SFI1: variants seen among roughly 807,000 people sequenced by gnomAD.
The protein encoded by SFI1 is protein SFI1 homolog.
SFI1 carries 195 observed loss-of-function variants against 207.5 expected under a neutral mutation model. The observed-to-expected ratio is 0.94, with a 90% CI of 0.84 to 1.06. The LOEUF is 1.06. Among genes scored for constraint, SFI1 ranks in the 50% least tolerant of loss-of-function variants. The probability of loss-of-function intolerance (pLI) is 0.00; values close to 1 mark genes in which losing one functional copy is unlikely to be tolerated. For missense variants in SFI1, 1,634 were observed against 1,588.0 expected, an observed-to-expected ratio of 1.03 and a Z score of -0.49; for synonymous variants, 630 against 598.9, an observed-to-expected ratio of 1.05 and a Z score of -0.76.
intron 23 of SFI1, 138 bp from the exon 24 acceptor site, chr22:31,611,628 G>A: frequency 2.3e-6 from 2 of 875,644 alleles, no homozygotes; most frequent in Admixed American, 2.7e-5. Context: ...TGCCTATGCA[G>A]GAGACCCCTG....
rs1269284613 is a variant in SFI1 at position 31,611,801 on chromosome 22, G to A, written c.2451G>A (p.Gln817=). 2 of 1,613,928 alleles carry A rather than the reference G, an allele frequency of 1.2e-6. No homozygotes were observed. Among genetic ancestry groups the A allele is most frequent in the Non-Finnish European group, 1.7e-6 (2 of 1,179,982 alleles). Residue 817 remains glutamine, a synonymous_variant, in exon 24 of 33, where the codon CAG becomes CAA. Transcript: ENST00000400288. ...GGCAGAGCACCCAACTGCTGGCACAGAGACTCAGCCGGACCTGCTTCCGCC... is the reference window on the plus strand; with the variant it reads ...GGCAGAGCACCCAACTGCTGGCACAAAGACTCAGCCGGACCTGCTTCCGCC... ...LHRQSTQLLA[Q]RLSRTCFRQW...
At chr22:31,617,991 C>A in intron 31 of SFI1, 124 bp from the exon 32 acceptor site, 3 of 1,087,458 alleles carry the variant, frequency 2.8e-6, no homozygotes, top group Non-Finnish European at 3.9e-6. Context: ...GGTCAGGGGC[C>A]CTACCAGACC....
chr22:31,531,414 C>T (rs2058509592), intron 4 of SFI1, among the ~76,000 whole-genome samples: 1 of 152,064 alleles, frequency 6.6e-6, no homozygotes, highest in African/African-American at 2.4e-5. Context: ...GCTACTGTGG[C>T]CTTCAGCTTC....
chr22:31,525,237 A>G (rs1468850182), intron 2 of SFI1, among the ~76,000 whole-genome samples: 1 of 151,824 alleles, frequency 6.6e-6, no homozygotes, highest in Non-Finnish European at 1.5e-5. Context: ...CTTTTCCTAG[A>G]CGTTTGAAGT....
intron 4 of SFI1, among the ~76,000 whole-genome samples, chr22:31,541,477 C>T (rs2059482229): frequency 1.3e-5 from 2 of 152,070 alleles, no homozygotes; most frequent in South Asian, 2.1e-4. Context: ...GAATTGTAGG[C>T]CAGGCGTGGT....
At chr22:31,545,081 G>A (rs78926500) in intron 4 of SFI1, among the ~76,000 whole-genome samples, 12 of 152,018 alleles carry the variant, frequency 7.9e-5, no homozygotes, top group African/African-American at 2.2e-4. Flanking sequence ...AAAAATTTAG[G>A]GGGGGCTGGA....
chr22:31,513,531 C>T (rs570502599), intron 2 of SFI1, among the ~76,000 whole-genome samples: 8 of 147,830 alleles, frequency 5.4e-5, no homozygotes, highest in African/African-American at 1.3e-4. Context: ...CGTGGTGACT[C>T]GTGCTGGCAA....
intron 7 of SFI1, 141 bp from the exon 8 acceptor site, chr22:31,561,149 T>G (rs923391804): frequency 1.2e-5 from 8 of 663,158 alleles, no homozygotes; most frequent in Admixed American, 6.2e-5. Flanking sequence ...TGTTTTATTT[T>G]TTTCCCCAGC....
chr22:31,617,546 C>A (rs1291918823), intron 31 of SFI1, among the ~76,000 whole-genome samples: 1 of 151,998 alleles, frequency 6.6e-6, no homozygotes, highest in Non-Finnish European at 1.5e-5. Context: ...TATGGTGAAA[C>A]CCCATCTCTA....
chr22:31,557,386 A>G (rs938990172), intron 7 of SFI1, among the ~76,000 whole-genome samples: 6 of 148,158 alleles, frequency 4.0e-5, no homozygotes, highest in Admixed American at 6.8e-5. Flanking sequence ...GCGAGGTTTT[A>G]TCATGTTTCC....
At chr22:31,517,701 T>C (rs2056718699) in intron 2 of SFI1, among the ~76,000 whole-genome samples, 1 of 152,170 alleles carries the variant, frequency 6.6e-6, no homozygotes, top group South Asian at 2.1e-4. Context: ...GCACAGTTTA[T>C]TGAAAAAACT....
At position 31,602,282 on chromosome 22, in the gene SFI1, G is replaced by A; in HGVS notation, c.1615G>A (p.Ala539Thr). 9 of 1,613,960 alleles carry A rather than the reference G, an allele frequency of 5.6e-6. No homozygotes were observed. The highest frequency in any genetic ancestry group is 6.8e-6 in the Non-Finnish European group (8 of 1,179,930). ...KMFQHRENRL[A>T]ERMAILHAER... ...GTTTCAGCATCGAGAAAACCGCCTG[G>A]CAGAGAGAATGGTAAATGGCTGTCC... Residue 539 changes from alanine (A) to threonine (T), a missense_variant, in exon 16 of 33, where the codon GCA becomes ACA. Coordinates refer to ENST00000400288, the MANE Select transcript of SFI1 (RefSeq NM_001007467.3).
intron 10 of SFI1, among the ~76,000 whole-genome samples, chr22:31,576,756 C>T (rs1457316745): frequency 6.6e-6 from 1 of 151,840 alleles, no homozygotes; most frequent in African/African-American, 2.4e-5. Context: ...TCTCCGGCCT[C>T]AGCCCCACGA....
At chr22:31,525,030 G>C (rs771908302) in intron 2 of SFI1, among the ~76,000 whole-genome samples, 12 of 152,070 alleles carry the variant, frequency 7.9e-5, no homozygotes, top group Non-Finnish European at 1.5e-4. Flanking sequence ...CTGACCTCAA[G>C]TGATCTGACT....
intron 1 of SFI1, among the ~76,000 whole-genome samples, chr22:31,498,834 A>T (rs2053209460): frequency 6.6e-6 from 1 of 150,446 alleles, no homozygotes; most frequent in African/African-American, 2.4e-5. Flanking sequence ...TAAAACTTGG[A>T]TGGATGAGGA....
intron 15 of SFI1, among the ~76,000 whole-genome samples, chr22:31,597,868 G>A (rs2146828413): frequency 6.6e-6 from 1 of 152,270 alleles, no homozygotes; most frequent in Middle Eastern, 3.4e-3. Context: ...TAACCCTCCA[G>A]TGAAAGGTAC....
intron 4 of SFI1, among the ~76,000 whole-genome samples, chr22:31,541,626 T>G (rs182822679): frequency 1.1e-4 from 17 of 150,812 alleles, no homozygotes; most frequent in Middle Eastern, 3.5e-3. Flanking sequence ...TGCCTGTAAT[T>G]CCAGTTACTC....
chr22:31,612,803 C>A (rs1042139995), intron 24 of SFI1: 8 of 290,362 alleles, frequency 2.8e-5, no homozygotes, highest in African/African-American at 1.7e-4. Context: ...TTTAAAAAGC[C>A]AAGAGGGATC....
chr22:31,513,517 C>A (rs549518779), intron 2 of SFI1, among the ~76,000 whole-genome samples: 1 of 151,790 alleles, frequency 6.6e-6, no homozygotes, highest in Non-Finnish European at 1.5e-5. Context: ...ATATAGTACT[C>A]GGGCGTGGTG....
Sources: allele counts gnomAD v4.1 joint callset (sites outside exome capture counted in the v4.1 genomes callset), GRCh38; gene constraint gnomAD v4.1.1; transcripts MANE v1.5; gene names NCBI Gene and HGNC (gene_info 2026-07-23, HGNC 2026-07-21).